Variants in TRAPPC14 observed in about 807,000 individuals in gnomAD.
TRAPPC14 encodes trafficking protein particle complex subunit 14, also known as microtubule associated protein 11.
Under a neutral mutation model 56.6 loss-of-function variants are expected in TRAPPC14, and 24 were observed. The observed-to-expected ratio is 0.42, with a 90% CI of 0.31 to 0.60. The LOEUF (loss-of-function observed/expected upper bound fraction) is 0.60, where lower values mean the gene tolerates loss of function less well. Among genes scored for constraint, TRAPPC14 ranks in the 20% least tolerant of loss-of-function variants. The pLI is 0.14. For missense variants in TRAPPC14, 615 were observed against 790.3 expected (o/e 0.78, Z 2.66); for synonymous variants, 377 against 347.0 (o/e 1.09, Z -0.96).
Position 100,156,424 on chromosome 7 carries a change from G to A in TRAPPC14, c.1202C>T (p.Ala401Val), listed in dbSNP as rs1312097944. ...TLLNNLQDFL[A>V]VRLVWTPEHA... The stretch of plus-strand genomic sequence containing the variant: ...CTCTGGGGTCCACACGAGCCTCACA[G>A]CAAGGAAGTCTTGGAGATTGTTAAG... Residue 401 changes from alanine to valine, a missense_variant, in exon 8 of 11, where the codon GCT (alanine) becomes GTT (valine). Coordinates refer to ENST00000316937, the MANE Select transcript of TRAPPC14 (RefSeq NM_018275.5). The A allele has an allele frequency of 1.2e-6, 2 of 1,614,108 alleles. No individual in the cohort carries two copies. The highest frequency in any genetic ancestry group is 1.7e-6 in the Non-Finnish European group (2 of 1,180,038).
Position 100,157,689 on chromosome 7 carries a change from TG to T in TRAPPC14, c.580del (p.Gln194ArgfsTer20). 6.2e-7 allele frequency: 1 copy of T among 1,614,244 alleles called. No homozygotes were observed. Among genetic ancestry groups the T allele is most frequent in the Non-Finnish European group, 8.5e-7 (1 of 1,180,038 alleles). On this transcript the variant is annotated frameshift_variant, in exon 3 of 11. Transcript: ENST00000316937. LOFTEE classifies it high-confidence loss of function. ...VRDQGYLRLL[Q>X]TRSPGETFRG... ...GAATGTCTCCCCAGGAGATCGGGTC[TG>T]CAGCAATCGCAGGTAGCCTTGATCT...
chr7:100,155,873 C>T (rs1401292571), intron 8 of TRAPPC14, 48 bp from the exon 9 acceptor site: 2 of 1,612,512 alleles, frequency 1.2e-6, no homozygotes, highest in African/African-American at 1.3e-5. Context: ...TTCCTCATTC[C>T]CACAGGGCCT....
At position 100,157,829 on chromosome 7, in the gene TRAPPC14, C is replaced by G. The variant is rs530347410; in HGVS notation, c.507+14G>C. ...TCTGAATTAGGACAATAGCTCCACT[C>G]TTGCTCATCTTACCTTGGCCTTAGG... On this transcript the variant is annotated intron_variant, in intron 2 of 10. Coordinates refer to ENST00000316937, the MANE Select transcript of TRAPPC14 (RefSeq NM_018275.5). 1.2e-6 allele frequency: 2 copies of G among 1,610,240 alleles called. No individual in the cohort carries two copies. Among genetic ancestry groups the G allele is most frequent in the Non-Finnish European group, 1.7e-6 (2 of 1,177,314 alleles).
chr7:100,157,217 G>A lies in TRAPPC14; in HGVS notation c.725-3C>T, dbSNP rs1285913089. 1 of 1,614,150 alleles carries A rather than the reference G, an allele frequency of 6.2e-7. No individual in the cohort carries two copies. Among genetic ancestry groups the A allele is most frequent in the South Asian group, 1.1e-5 (1 of 91,076 alleles). ...CTCCTGAGAGGAGCTGTTCAGCACT[G>A]TGGGAGAGGACCAGCTTGGCTCAGA... On this transcript the variant is annotated splice_polypyrimidine_tract_variant and splice_region_variant and intron_variant, in intron 4 of 10. Transcript: ENST00000316937.
intron 8 of TRAPPC14, 81 bp downstream of exon 8, chr7:100,156,305 T>C (rs1798879842): frequency 5.3e-6 from 8 of 1,505,396 alleles, no homozygotes; most frequent in Middle Eastern, 2.1e-4. Flanking sequence ...AATTTGGCTG[T>C]TTTCACTGTC....
intron 1 of TRAPPC14, 41 bp from the exon 2 acceptor site, chr7:100,157,979 G>A: frequency 6.7e-7 from 1 of 1,499,110 alleles, no homozygotes; most frequent in Non-Finnish European, 8.9e-7. Context: ...GAGCAAGTCA[G>A]AGGCAGCCTG....
rs1184377486 is a variant in TRAPPC14, at chr7:100,154,986, A to T, written c.*25T>A. 1 of 1,613,422 alleles carries T rather than the reference A, an allele frequency of 6.2e-7. No homozygotes were observed. The highest frequency in any genetic ancestry group is 2.2e-5 in the East Asian group (1 of 44,866). On this transcript the variant is annotated 3_prime_UTR_variant, in exon 11 of 11. Coordinates refer to ENST00000316937, the MANE Select transcript of TRAPPC14 (RefSeq NM_018275.5). ...TGGGGGCGTTGGGTCTCTGGAGTGT[A>T]AGAGGGAACAGAGCTGGCACGGTGC...
rs976365590 is a variant in TRAPPC14, at chr7:100,154,833, C to T, written c.*178G>A. 3.2e-5 allele frequency: 21 copies of T among 648,772 alleles called. No individual in the cohort carries two copies. Among genetic ancestry groups the T allele is most frequent in the South Asian group, 2.6e-4 (14 of 53,664 alleles). The allele number at this position is 648,772 out of a possible 1,614,324, so 40.2% of individuals were successfully genotyped here. A position where few individuals can be genotyped will look rare whatever the true frequency, so the allele number is the denominator to read the frequency against. On this transcript the variant is annotated 3_prime_UTR_variant, in exon 11 of 11. Transcript: ENST00000316937. ...CTGGTGGCTTAGTCCCAGCCATGCC[C>T]GCCCACTTCACAGCTTCTTCCCCCA...
chr7:100,157,824 C>T lies in TRAPPC14; in HGVS notation c.507+19G>A, dbSNP rs747919871. 1.1e-5 allele frequency: 18 copies of T among 1,611,878 alleles called. No homozygotes were observed. The highest frequency in any genetic ancestry group is 1.5e-5 in the Non-Finnish European group (18 of 1,178,452). On this transcript the variant is annotated intron_variant, in intron 2 of 10. Coordinates refer to ENST00000316937, the MANE Select transcript of TRAPPC14 (RefSeq NM_018275.5). ...AGGTGTCTGAATTAGGACAATAGCTCCACTCTTGCTCATCTTACCTTGGCC... is the reference window on the plus strand; with the variant it reads ...AGGTGTCTGAATTAGGACAATAGCTTCACTCTTGCTCATCTTACCTTGGCC...
chr7:100,155,167 G>A lies in TRAPPC14; in HGVS notation c.1590-3C>T, dbSNP rs1180413382. On this transcript the variant is annotated splice_polypyrimidine_tract_variant and splice_region_variant and intron_variant, in intron 10 of 10. Coordinates refer to ENST00000316937, the MANE Select transcript of TRAPPC14 (RefSeq NM_018275.5). ...TGCGCTCCATCACACTGCCCGACCT[G>A]GGGGAAGGCAGAGGCTGTGGGCGCT... is the stretch of plus-strand genomic sequence containing the variant. 1.2e-6 allele frequency: 2 copies of A among 1,610,514 alleles called. No individual in the cohort carries two copies. Among genetic ancestry groups the A allele is most frequent in the East Asian group, 4.5e-5 (2 of 44,874 alleles).
Position 100,154,590 on chromosome 7 carries a change from A to G in TRAPPC14, c.*421T>C. 1 of 223,428 alleles carries G rather than the reference A, an allele frequency of 4.5e-6. No homozygotes were observed. Among genetic ancestry groups the G allele is most frequent in the South Asian group, 6.0e-5 (1 of 16,712 alleles). The allele number at this position is 223,428 out of a possible 1,614,324, so 13.8% of individuals were successfully genotyped here. A position where few individuals can be genotyped will look rare whatever the true frequency, so the allele number is the denominator to read the frequency against. On this transcript the variant is annotated 3_prime_UTR_variant, in exon 11 of 11. Coordinates refer to ENST00000316937, the MANE Select transcript of TRAPPC14 (RefSeq NM_018275.5). Reference sequence around the variant, plus strand: ...CCTGTCCCCAACCCCTGAGACAGGAAGGTCACTGTCAGGGGCCCTTAGCCA... The same window carrying G: ...CCTGTCCCCAACCCCTGAGACAGGAGGGTCACTGTCAGGGGCCCTTAGCCA...
chr7:100,155,465 G>T lies in TRAPPC14; in HGVS notation c.1396-10C>A. ...TCATGTGCTGGCTTAGCTGGGGGGA[G>T]ACACAGGTCAGCATGCCAGCTCGGC... On this transcript the variant is annotated splice_polypyrimidine_tract_variant and intron_variant, in intron 9 of 10. Transcript: ENST00000316937. The T allele has an allele frequency of 6.6e-7, 1 of 1,518,156 alleles. No individual in the cohort carries two copies. The allele number at this position is 1,518,156 out of a possible 1,614,324, so 94.0% of individuals were successfully genotyped here.
chr7:100,157,698 C>T lies in TRAPPC14; in HGVS notation c.572G>A (p.Arg191Gln), dbSNP rs764291821. The T allele has an allele frequency of 3.3e-5, 53 of 1,614,122 alleles. No individual in the cohort carries two copies. Among genetic ancestry groups the T allele is most frequent in the Non-Finnish European group, 4.1e-5 (48 of 1,180,052 alleles). Residue 191 changes from arginine (R) to glutamine (Q), a missense_variant, in exon 3 of 11, where the codon CGA becomes CAA. Coordinates refer to ENST00000316937, the MANE Select transcript of TRAPPC14 (RefSeq NM_018275.5). ...CCCAGGAGATCGGGTCTGCAGCAAT[C>T]GCAGGTAGCCTTGATCTCTGACCTC... ...APEVRDQGYLRLLQTRSPGET... is the reference protein window; with the variant it reads ...APEVRDQGYLQLLQTRSPGET...
rs771753262 is a variant in TRAPPC14, at chr7:100,156,650, T to C, written c.1060A>G (p.Ile354Val). ...CACACTCACCGGTAGTGGGTGTAGA[T>C]GCTCTGAGTGAAGGGCAGCTTTGGG... ...STPKLPFTQS[I>V]YTHYRLPSVR... The change falls in exon 7 of 11, where the codon ATC (isoleucine) becomes GTC (valine). Residue 354 changes from isoleucine to valine, a missense_variant. Physicochemically the swap from Ile to Val is conservative, Grantham distance 29 (BLOSUM62 3). Coordinates refer to ENST00000316937, the MANE Select transcript of TRAPPC14 (RefSeq NM_018275.5). 3 of 1,612,402 alleles carry C rather than the reference T, an allele frequency of 1.9e-6. No homozygotes were observed. Among genetic ancestry groups the C allele is most frequent in the African/African-American group, 2.7e-5 (2 of 74,838 alleles).
intron 1 of TRAPPC14, 49 bp downstream of exon 1, chr7:100,158,040 C>T: frequency 7.1e-7 from 1 of 1,405,054 alleles, no homozygotes; most frequent in South Asian, 1.5e-5. Flanking sequence ...CCTCAGGCCC[C>T]CAGCAAACCG....
chr7:100,157,576 C>T (rs1211102361), intron 3 of TRAPPC14, 57 bp downstream of exon 3: 1 of 1,608,632 alleles, frequency 6.2e-7, no homozygotes, highest in Non-Finnish European at 8.5e-7. Flanking sequence ...GTGACCCCTC[C>T]CCTCTGTCCC....
rs561257336 is a variant in TRAPPC14 at position 100,155,342 on chromosome 7, G to C, written c.1509C>G (p.Asp503Glu). 8 of 1,551,408 alleles carry C rather than the reference G, an allele frequency of 5.2e-6. No homozygotes were observed. The South Asian group carries it at 9.5e-5, about 18-fold the overall frequency. Residue 503 changes from aspartate (D) to glutamate (E), a missense_variant, in exon 10 of 11, where the codon GAC becomes GAG. Coordinates refer to ENST00000316937, the MANE Select transcript of TRAPPC14 (RefSeq NM_018275.5). ...GGCTAGCCTGATGCCTCTCCACCAA[G>C]TCCCGGACAGCAGGGCTGCTGGGGC... ...KSSPSSPAVR[D>E]LVERHQASLG...
In TRAPPC14 at chr7:100,155,567, T is replaced by G. The variant is rs564948000; in HGVS notation, c.1395+104A>C. 253 of 1,508,018 alleles carry G rather than the reference T, an allele frequency of 1.7e-4. 4 individuals carry two copies. In the South Asian group the frequency reaches 2.9e-3, roughly 17 times the overall value. 93.4% of individuals were successfully genotyped at this position (1,508,018 alleles called of 1,614,324 possible). On this transcript the variant is annotated intron_variant, in intron 9 of 10. Transcript: ENST00000316937. The stretch of plus-strand genomic sequence containing the variant: ...TGTCAAATCTAAATCCCACCTTCCC[T>G]CTGCCCAGCTTTTTATTTCATCCCC...
intron 6 of TRAPPC14, 26 bp downstream of exon 6, chr7:100,156,819 T>A (rs1798890350): frequency 2.5e-6 from 4 of 1,612,078 alleles, no homozygotes; most frequent in Non-Finnish European, 3.4e-6. Context: ...CACTTTTCTT[T>A]GAACACACCA....
Sources: gnomAD v4.1 joint callset for allele counts on GRCh38, gnomAD v4.1.1 for gene constraint, MANE v1.5 for transcripts, NCBI Gene and HGNC (gene_info 2026-07-23, HGNC 2026-07-21) for gene names.